The following KHDRBS2 variants were observed in gnomAD, a reference collection of about 807,000 sequenced individuals.
KHDRBS2 encodes KH RNA binding domain containing, signal transduction associated 2.
A neutral mutation model predicts 44.3 loss-of-function variants in KHDRBS2; 26 were observed. The ratio of observed to expected loss-of-function variants is 0.59; its 90% confidence interval spans 0.43 to 0.81. The LOEUF is 0.81. KHDRBS2 is among the 40% of genes least tolerant of loss of function. KHDRBS2 has a pLI of 0.00. For missense variants in KHDRBS2, 476 were observed against 433.1 expected, an observed-to-expected ratio of 1.10 and a Z score of -0.88; for synonymous variants, 194 against 151.1, an observed-to-expected ratio of 1.28 and a Z score of -2.08.
chr6:62,243,909 T>A (rs909748310), intron 1 of KHDRBS2, among the ~76,000 whole-genome samples: 1 of 152,166 alleles, frequency 6.6e-6, no homozygotes, highest in Admixed American at 6.6e-5. Flanking sequence ...AAGTATCCTA[T>A]ACACAGTGTA....
At chr6:61,876,160 T>A (rs1799381010) in intron 6 of KHDRBS2, among the ~76,000 whole-genome samples, 1 of 152,060 alleles carries the variant, frequency 6.6e-6, no homozygotes, top group African/African-American at 2.4e-5. Context: ...ATTCAGTTGT[T>A]CCCTCTATGC....
At chr6:61,830,782 C>T (rs1448820847) in intron 6 of KHDRBS2, among the ~76,000 whole-genome samples, 1 of 152,028 alleles carries the variant, frequency 6.6e-6, no homozygotes, top group Non-Finnish European at 1.5e-5. Context: ...CATGCTTGAG[C>T]TTATTGGTAA....
chr6:62,210,371 C>T (rs1487909211), intron 1 of KHDRBS2, among the ~76,000 whole-genome samples: 1 of 150,314 alleles, frequency 6.7e-6, no homozygotes, highest in Non-Finnish European at 1.5e-5. Flanking sequence ...GCTCTTGTCC[C>T]CTAGGCTGGA....
chr6:61,959,973 A>G (rs1214962244), intron 4 of KHDRBS2, among the ~76,000 whole-genome samples: 1 of 152,176 alleles, frequency 6.6e-6, no homozygotes, highest in African/African-American at 2.4e-5. Flanking sequence ...TAAATAATTA[A>G]GAATCTTCTG....
Position 62,213,854 on chromosome 6 carries a change from A to G in KHDRBS2, c.92-36542T>C, listed in dbSNP as rs1829513387. 2.5e-5 allele frequency among the ~76,000 whole-genome samples: 3 copies of G among 121,324 alleles called. No homozygotes were observed. The Admixed American group carries it at 3.0e-4, about 12-fold the overall frequency. The allele number at this position is 121,324 out of a possible 152,430, so 79.6% of individuals were successfully genotyped here. A position where few individuals can be genotyped will look rare whatever the true frequency, so the allele number is the denominator to read the frequency against. ...ACGCCACTGCACTCCAGCCTGGGTGACAGAGCGAGACTCCATCTCAAAAAA... is the reference window on the plus strand; with the variant it reads ...ACGCCACTGCACTCCAGCCTGGGTGGCAGAGCGAGACTCCATCTCAAAAAA... On this transcript the variant is annotated intron_variant, in intron 1 of 8. Transcript: ENST00000281156.
intron 7 of KHDRBS2, among the ~76,000 whole-genome samples, chr6:61,711,627 G>A (rs981887771): frequency 2.6e-5 from 4 of 151,800 alleles, no homozygotes; most frequent in African/African-American, 9.7e-5. Context: ...TTATGTTGAA[G>A]GACTTTTGAA....
intron 6 of KHDRBS2, among the ~76,000 whole-genome samples, chr6:61,743,604 CAG>C (rs1443830703): frequency 6.6e-6 from 1 of 151,794 alleles, no homozygotes; most frequent in African/African-American, 2.4e-5. Context: ...TTGTAAAAAT[CAG>C]TGTTTTATCC....
chr6:62,192,655 A>T (rs900249290), intron 1 of KHDRBS2, among the ~76,000 whole-genome samples: 1 of 152,168 alleles, frequency 6.6e-6, no homozygotes, highest in Admixed American at 6.6e-5. Flanking sequence ...TAGAGTTAAA[A>T]ATTCCAACTC....
the KHDRBS2 span, among the ~76,000 whole-genome samples, chr6:61,654,880 C>A: frequency 6.6e-6 from 1 of 151,478 alleles, no homozygotes; most frequent in Non-Finnish European, 1.5e-5. Context: ...CTGGGGAAGG[C>A]GCAGGAGGCA....
At chr6:62,193,132 T>C (rs1452677077) in intron 1 of KHDRBS2, among the ~76,000 whole-genome samples, 1 of 152,078 alleles carries the variant, frequency 6.6e-6, no homozygotes, top group African/African-American at 2.4e-5. Context: ...CGAATATATA[T>C]GTATATAGGT....
chr6:61,698,288 A>T (rs1280777453), intron 7 of KHDRBS2, among the ~76,000 whole-genome samples: 1 of 151,908 alleles, frequency 6.6e-6, no homozygotes, highest in Non-Finnish European at 1.5e-5. Context: ...TTTTCCAATC[A>T]CTTATTCCTG....
At chr6:61,893,811 A>G (rs13212788) in intron 6 of KHDRBS2, among the ~76,000 whole-genome samples, 63,479 of 151,778 alleles carry the variant, frequency 0.42, 13,464 homozygotes, top group Admixed American at 0.49. Flanking sequence ...TGATGAGTTA[A>G]TGGGTGCAGC....
intron 3 of KHDRBS2, among the ~76,000 whole-genome samples, chr6:62,015,301 T>C (rs1781017214): frequency 6.6e-6 from 1 of 152,140 alleles, no homozygotes; most frequent in Non-Finnish European, 1.5e-5. Flanking sequence ...CTAATAATGT[T>C]AAAAGTTTTA....
chr6:61,773,969 T>C (rs1292601823), intron 6 of KHDRBS2, among the ~76,000 whole-genome samples: 1 of 152,132 alleles, frequency 6.6e-6, no homozygotes, highest in East Asian at 1.9e-4. Flanking sequence ...AGCAGCGTTA[T>C]TTCTGAGGGC....
chr6:62,004,667 A>C (rs192829286), intron 3 of KHDRBS2, among the ~76,000 whole-genome samples: 4 of 152,322 alleles, frequency 2.6e-5, no homozygotes, highest in Admixed American at 2.0e-4. Context: ...TTATGAGGCC[A>C]GCATCATACT....
At chr6:62,104,137 A>G (rs1356231064) in intron 2 of KHDRBS2, among the ~76,000 whole-genome samples, 1 of 152,222 alleles carries the variant, frequency 6.6e-6, no homozygotes, top group Non-Finnish European at 1.5e-5. Flanking sequence ...AATTTAGAAT[A>G]TCAGTAAGGT....
intron 3 of KHDRBS2, among the ~76,000 whole-genome samples, chr6:62,046,308 A>G (rs1360560040): frequency 2.0e-5 from 3 of 152,000 alleles, no homozygotes; most frequent in African/African-American, 7.2e-5. Flanking sequence ...AGAATTAAAA[A>G]TATGTATCCA....
intron 2 of KHDRBS2, among the ~76,000 whole-genome samples, chr6:62,100,627 C>A (rs1483574965): frequency 6.6e-6 from 1 of 152,162 alleles, no homozygotes; most frequent in Non-Finnish European, 1.5e-5. Flanking sequence ...CAAGTCAAGA[C>A]CCTAACCAGC....
At position 61,904,022 on chromosome 6, in the gene KHDRBS2, G is replaced by A. The variant is rs1299705935; in HGVS notation, c.484-2651C>T. 2.0e-5 allele frequency among the ~76,000 whole-genome samples: 3 copies of A among 152,138 alleles called. 1 individual carries two copies. The highest frequency in any genetic ancestry group is 4.1e-4 in the South Asian group (2 of 4,824). On this transcript the variant is annotated intron_variant, in intron 4 of 8. Transcript: ENST00000281156. The stretch of plus-strand genomic sequence containing the variant: ...GCTGCTTTATGCTAGTAAGTATTGC[G>A]GTGGTTTGTTTTGTGCAAAAGCTAA...
Sources: gnomAD v4.1 joint callset for allele counts (sites outside exome capture counted in the v4.1 genomes callset) on GRCh38, gnomAD v4.1.1 for gene constraint, MANE v1.5 for transcripts, NCBI Gene and HGNC (gene_info 2026-07-23, HGNC 2026-07-21) for gene names.